The following ITGB3 variants were observed in gnomAD, a reference collection of about 807,000 sequenced individuals.
The protein encoded by ITGB3 is integrin beta-3.
In ITGB3, 48 loss-of-function variants were observed where a neutral mutation model predicts 85.8. That is an observed-to-expected ratio of 0.56 (90% CI 0.44 to 0.71). ITGB3 has a LOEUF of 0.71. Among genes scored for constraint, ITGB3 ranks in the 30% least tolerant of loss-of-function variants. The probability of loss-of-function intolerance (pLI) is 0.00; values close to 1 mark genes in which losing one functional copy is unlikely to be tolerated. For synonymous variants in ITGB3, 363 were observed against 395.6 expected (o/e 0.92, Z 0.98); for missense variants, 861 against 1,019.1 (o/e 0.84, Z 2.11).
At position 47,307,644 on chromosome 17, in the gene ITGB3, G is replaced by C; in HGVS notation, c.2301+7G>C. ...CAGAGCAAAATGGGACACAGTAAGAGACGGGGCTGGGCGTTTTCTAAAGTC... is the reference window on the plus strand; with the variant it reads ...CAGAGCAAAATGGGACACAGTAAGACACGGGGCTGGGCGTTTTCTAAAGTC... On this transcript the variant is annotated splice_region_variant and intron_variant, in intron 14 of 14. Transcript: ENST00000559488. 1.2e-6 allele frequency: 2 copies of C among 1,614,008 alleles called. No homozygotes were observed. The highest frequency in any genetic ancestry group is 1.7e-6 in the Non-Finnish European group (2 of 1,179,920).
chr17:47,289,047 G>A (rs1297868309), intron 6 of ITGB3, among the ~76,000 whole-genome samples: 1 of 152,176 alleles, frequency 6.6e-6, no homozygotes, highest in Non-Finnish European at 1.5e-5. Flanking sequence ...GATCACTGCT[G>A]AGTGGAAGAG....
In ITGB3 at chr17:47,284,423, A is replaced by G. The variant is rs375900225; in HGVS notation, c.362-20A>G. 6.2e-7 allele frequency: 1 copy of G among 1,614,030 alleles called. No homozygotes were observed. Among genetic ancestry groups the G allele is most frequent in the Non-Finnish European group, 8.5e-7 (1 of 1,180,036 alleles). ...TTGGTGGGAGAAGAAGATAAAAACTAACATCTTTCTGCCTTCCAGATGATT... is the reference window on the plus strand; with the variant it reads ...TTGGTGGGAGAAGAAGATAAAAACTGACATCTTTCTGCCTTCCAGATGATT... On this transcript the variant is annotated intron_variant, in intron 3 of 14. Coordinates refer to ENST00000559488, the MANE Select transcript of ITGB3 (RefSeq NM_000212.3).
At chr17:47,263,897 C>T (rs527971401) in intron 1 of ITGB3, among the ~76,000 whole-genome samples, 1 of 152,300 alleles carries the variant, frequency 6.6e-6, no homozygotes, top group East Asian at 1.9e-4. Flanking sequence ...GACAAAAATC[C>T]TTCCTGTTTT....
intron 5 of ITGB3, 101 bp downstream of exon 5, chr17:47,286,523 G>T (rs1253307601): frequency 2.1e-6 from 3 of 1,424,396 alleles, no homozygotes; most frequent in South Asian, 2.3e-5. Context: ...AATGAGATGA[G>T]AACTAAGCAG....
intron 2 of ITGB3, among the ~76,000 whole-genome samples, chr17:47,275,576 A>T (rs2065060724): frequency 6.6e-6 from 1 of 152,154 alleles, no homozygotes; most frequent in Non-Finnish European, 1.5e-5. Context: ...GACCGCTCCA[A>T]TCCAGCCCTC....
chr17:47,282,417 A>C (rs924823743), intron 2 of ITGB3, among the ~76,000 whole-genome samples: 1 of 152,196 alleles, frequency 6.6e-6, no homozygotes, highest in African/African-American at 2.4e-5. Context: ...GGAAACTACT[A>C]TTCTACTTTT....
At chr17:47,290,852 C>T in intron 8 of ITGB3, 102 bp from the exon 9 acceptor site, 1 of 1,391,810 alleles carries the variant, frequency 7.2e-7, no homozygotes, top group Non-Finnish European at 1.0e-6. Context: ...GGGGTGAGTC[C>T]AGAGCTACTT....
chr17:47,266,134 A>G (rs1370013808), intron 1 of ITGB3, among the ~76,000 whole-genome samples: 2 of 152,150 alleles, frequency 1.3e-5, no homozygotes, highest in Non-Finnish European at 2.9e-5. Flanking sequence ...ATGAGGCATC[A>G]TGTGAGTCAC....
intron 1 of ITGB3, among the ~76,000 whole-genome samples, chr17:47,260,276 C>G (rs2065004672): frequency 6.6e-6 from 1 of 152,106 alleles, no homozygotes; most frequent in Non-Finnish European, 1.5e-5. Context: ...CTCTTGGTGT[C>G]CCAGGGGCTG....
intron 9 of ITGB3, chr17:47,291,535 C>T (rs1009233670): frequency 1.4e-5 from 4 of 293,476 alleles, no homozygotes; most frequent in African/African-American, 8.8e-5. Context: ...TCCTCCGCTT[C>T]TGCCTAAGGG....
chr17:47,296,464 G>A (rs1373876552), intron 10 of ITGB3, among the ~76,000 whole-genome samples: 2 of 152,152 alleles, frequency 1.3e-5, no homozygotes, highest in African/African-American at 4.8e-5. Context: ...GAACTCCTGG[G>A]CTCAAGTGAT....
At chr17:47,261,717 G>A (rs550331478) in intron 1 of ITGB3, among the ~76,000 whole-genome samples, 1 of 152,178 alleles carries the variant, frequency 6.6e-6, no homozygotes, top group East Asian at 1.9e-4. Context: ...ACAGGGTTTG[G>A]CCATGTTGGC....
chr17:47,285,695 C>CCTTCT (rs2065100038), intron 4 of ITGB3, among the ~76,000 whole-genome samples: 1 of 152,186 alleles, frequency 6.6e-6, no homozygotes, highest in Admixed American at 6.5e-5. Flanking sequence ...CCAGGCAAGA[C>CCTTCT]ATCAGCTATT....
chr17:47,254,471 T>C (rs1249220462), intron 1 of ITGB3, among the ~76,000 whole-genome samples: 2 of 152,182 alleles, frequency 1.3e-5, no homozygotes, highest in African/African-American at 4.8e-5. Context: ...TCTTTTCCTT[T>C]TTTCTTTCTT....
At chr17:47,309,971 C>T (rs971120540) in intron 14 of ITGB3, among the ~76,000 whole-genome samples, 168 bp from the exon 15 acceptor site, 1 of 151,424 alleles carries the variant, frequency 6.6e-6, no homozygotes, top group African/African-American at 2.4e-5. Flanking sequence ...CCTATCAATT[C>T]CCATGCCAAG....
intron 6 of ITGB3, among the ~76,000 whole-genome samples, chr17:47,289,220 G>A (rs2065115794): frequency 6.6e-6 from 1 of 152,132 alleles, no homozygotes; most frequent in Non-Finnish European, 1.5e-5. Flanking sequence ...ATTCAAGCAG[G>A]AAGAAAGAGG....
intron 6 of ITGB3, among the ~76,000 whole-genome samples, chr17:47,287,971 C>A (rs1375491751): frequency 1.6e-5 from 2 of 128,596 alleles, no homozygotes; most frequent in African/African-American, 6.0e-5. Context: ...TGTTGCCCAG[C>A]TGGAGTGCAG....
Position 47,292,220 on chromosome 17 carries a change from A to T in ITGB3, c.1342A>T (p.Lys448Ter). The T allele has an allele frequency of 6.2e-7, 1 of 1,614,236 alleles. No homozygotes were observed. Among genetic ancestry groups the T allele is most frequent in the Non-Finnish European group, 8.5e-7 (1 of 1,180,032 alleles). ...KSFTIKPVGF[K>*]DSLIVQVTFD... ...CTTTACCATAAAGCCCGTGGGCTTC[A>T]AGGACAGCCTGATCGTCCAGGTCAC... The change falls in exon 10 of 15, where the codon AAG becomes TAG. Residue 448 changes from lysine to a stop codon, truncating the protein, a stop_gained. Transcript: ENST00000559488. LOFTEE classifies it high-confidence loss of function.
chr17:47,309,041 C>A, intron 14 of ITGB3, among the ~76,000 whole-genome samples: 1 of 138,464 alleles, frequency 7.2e-6, no homozygotes, highest in South Asian at 2.6e-4. Flanking sequence ...TCTTTCCCTT[C>A]CCTTCCCTCC....
Sources: allele counts gnomAD v4.1 joint callset (sites outside exome capture counted in the v4.1 genomes callset), GRCh38; gene constraint gnomAD v4.1.1; transcripts MANE v1.5; gene names NCBI Gene and HGNC (gene_info 2026-07-23, HGNC 2026-07-21).